The following FAM135B variants were observed in gnomAD, a reference collection of about 807,000 sequenced individuals.
FAM135B encodes protein FAM135B.
In FAM135B, 43 loss-of-function variants were observed where a neutral mutation model predicts 127.7. The ratio of observed to expected loss-of-function variants is 0.34; its 90% CI spans 0.26 to 0.43. The LOEUF is 0.43. FAM135B is among the 20% of genes least tolerant of loss of function. The pLI is 1.00. For synonymous variants in FAM135B, 670 were observed against 665.1 expected, an observed-to-expected ratio of 1.01 and a Z score of -0.11; for missense variants, 1,558 against 1,725.6, an observed-to-expected ratio of 0.90 and a Z score of 1.72.
chr8:138,483,036 C>T (rs2131683264), intron 1 of FAM135B, among the ~76,000 whole-genome samples: 1 of 151,938 alleles, frequency 6.6e-6, no homozygotes, highest in South Asian at 2.1e-4. Context: ...ATGAATTTTG[C>T]TTTAATAAAT....
At chr8:138,405,708 T>C (rs1164378098) in intron 1 of FAM135B, among the ~76,000 whole-genome samples, 1 of 152,204 alleles carries the variant, frequency 6.6e-6, no homozygotes, top group Non-Finnish European at 1.5e-5. Context: ...ACATGATTTA[T>C]AGTCCTTTGG....
chr8:138,294,399 AT>A (rs1825331497), intron 3 of FAM135B, among the ~76,000 whole-genome samples: 1 of 152,216 alleles, frequency 6.6e-6, no homozygotes, highest in Non-Finnish European at 1.5e-5. Flanking sequence ...TAAATAAAAA[AT>A]ATTTTTAAAA....
intron 7 of FAM135B, among the ~76,000 whole-genome samples, chr8:138,236,321 G>A (rs906882973): frequency 2.6e-5 from 4 of 151,880 alleles, no homozygotes; most frequent in South Asian, 2.1e-4. Context: ...GTTCATTGGC[G>A]CATTATTCAC....
chr8:138,228,074 C>T (rs1819611338), intron 7 of FAM135B, among the ~76,000 whole-genome samples: 1 of 152,108 alleles, frequency 6.6e-6, no homozygotes, highest in Non-Finnish European at 1.5e-5. Flanking sequence ...CATTCTGACC[C>T]TGTCTTGGGC....
intron 7 of FAM135B, among the ~76,000 whole-genome samples, chr8:138,232,962 T>C (rs1820012443): frequency 6.6e-6 from 1 of 152,166 alleles, no homozygotes; most frequent in South Asian, 2.1e-4. Flanking sequence ...TCTTCACCAC[T>C]GTCAACCACT....
At position 138,153,417 on chromosome 8, in the gene FAM135B, C is replaced by T. The variant is rs144983682; in HGVS notation, c.1259-201G>A. 9.4e-3 allele frequency among the ~76,000 whole-genome samples: 1,423 copies of T among 152,188 alleles called. 14 individuals are homozygous for T. The highest frequency in any genetic ancestry group is 0.034 in the Middle Eastern group (10 of 294). ...ATTTCTGCATTTCCAAGTGAGGTAC[C>T]GGGTCCATCTCATTGGGACTTGTTG... is the stretch of plus-strand genomic sequence containing the variant. On this transcript the variant is annotated intron_variant, in intron 12 of 19. Coordinates refer to ENST00000395297, the MANE Select transcript of FAM135B (RefSeq NM_015912.4).
intron 3 of FAM135B, among the ~76,000 whole-genome samples, chr8:138,303,410 G>A (rs1314977536): frequency 6.6e-6 from 1 of 152,010 alleles, no homozygotes; most frequent in East Asian, 1.9e-4. Flanking sequence ...ACAGGGAGGG[G>A]AGCATCACAC....
chr8:138,135,697 A>G (rs1428288941), intron 19 of FAM135B, among the ~76,000 whole-genome samples: 1 of 152,204 alleles, frequency 6.6e-6, no homozygotes, highest in Non-Finnish European at 1.5e-5. Flanking sequence ...ATGAAATACC[A>G]TAGATGTATT....
chr8:138,189,724 C>A (rs1815938589), intron 9 of FAM135B, among the ~76,000 whole-genome samples: 1 of 152,168 alleles, frequency 6.6e-6, no homozygotes, highest in Non-Finnish European at 1.5e-5. Context: ...GAGTTTGCCC[C>A]TGCTGGTGCA....
chr8:138,200,718 G>A (rs1434701070), intron 7 of FAM135B, among the ~76,000 whole-genome samples: 1 of 152,060 alleles, frequency 6.6e-6, no homozygotes, highest in African/African-American at 2.4e-5. Context: ...CTTGCTATAT[G>A]TGTGTATGTC....
At chr8:138,339,109 A>T (rs1828841634) in intron 2 of FAM135B, among the ~76,000 whole-genome samples, 2 of 106,664 alleles carry the variant, frequency 1.9e-5, no homozygotes, top group South Asian at 3.7e-4. Flanking sequence ...GGGGCCTGTC[A>T]TGGGGTGGGG....
intron 1 of FAM135B, among the ~76,000 whole-genome samples, chr8:138,396,798 C>T (rs1174823993): frequency 2.0e-5 from 3 of 152,122 alleles, no homozygotes; most frequent in African/African-American, 7.2e-5. Context: ...CACAGAGCAG[C>T]CTGTGTGGCT....
chr8:138,140,454 T>TC (rs577362215), intron 17 of FAM135B, among the ~76,000 whole-genome samples: 42 of 152,312 alleles, frequency 2.8e-4, no homozygotes, highest in Middle Eastern at 3.4e-3. Flanking sequence ...TCCTTGGGCT[T>TC]CCATACACCA....
At chr8:138,155,521 A>G (rs1818643065) in intron 12 of FAM135B, among the ~76,000 whole-genome samples, 3 of 152,128 alleles carry the variant, frequency 2.0e-5, no homozygotes, top group Non-Finnish European at 1.5e-5. Flanking sequence ...AAGAGTCAAG[A>G]CCCATCAGTG....
chr8:138,359,749 T>TTA (rs1373643587), intron 2 of FAM135B, among the ~76,000 whole-genome samples: 2 of 152,134 alleles, frequency 1.3e-5, no homozygotes, highest in African/African-American at 4.8e-5. Context: ...TTAAGGCACA[T>TTA]TAGGGCTAGT....
chr8:138,482,556 G>C (rs1814824440), intron 1 of FAM135B, among the ~76,000 whole-genome samples: 1 of 151,896 alleles, frequency 6.6e-6, no homozygotes, highest in Non-Finnish European at 1.5e-5. Context: ...AAGTTTTGTA[G>C]CCAATCCCAG....
intron 1 of FAM135B, among the ~76,000 whole-genome samples, chr8:138,417,481 C>G (rs965818708): frequency 5.3e-5 from 8 of 152,224 alleles, no homozygotes; most frequent in Admixed American, 3.3e-4. Context: ...ACAATCTCCC[C>G]TGGCTGCCAC....
rs1378288429 is a variant in FAM135B at position 138,152,354 on chromosome 8, C to A, written c.2121G>T (p.Leu707Phe). Residue 707 changes from leucine (L) to phenylalanine (F), a missense_variant, in exon 13 of 20, where the codon TTG becomes TTT. Physicochemically the swap from Leu to Phe is conservative, Grantham distance 22 (BLOSUM62 0). Around this residue, in one of 5 missense-constraint regions of FAM135B, gnomAD observed 923 missense variants for 865.3 expected, o/e 1.07. Coordinates refer to ENST00000395297, the MANE Select transcript of FAM135B (RefSeq NM_015912.4). ...WSEARSRALE[L>F]PSDREVLHPF... is the part of the protein sequence containing the mutation. ...GGTGCAAGACTTCCCGATCACTGGG[C>A]AACTCCAGAGCCCTGCTTCGGGCCT... 8 of 1,614,006 alleles carry A rather than the reference C, an allele frequency of 5.0e-6. No individual in the cohort carries two copies. Among genetic ancestry groups the A allele is most frequent in the East Asian group, 2.2e-5 (1 of 44,856 alleles).
At chr8:138,341,441 T>C (rs1303821312) in intron 2 of FAM135B, among the ~76,000 whole-genome samples, 4 of 152,298 alleles carry the variant, frequency 2.6e-5, no homozygotes, top group Middle Eastern at 3.4e-3. Context: ...TTAAAATAGT[T>C]AGTGTTTAGT....
Sources: allele counts gnomAD v4.1 joint callset (sites outside exome capture counted in the v4.1 genomes callset), GRCh38; gene constraint gnomAD v4.1.1; regional missense constraint gnomAD v4.1.1; transcripts MANE v1.5; gene names NCBI Gene and HGNC (gene_info 2026-07-23, HGNC 2026-07-21).